The following SLC8A1 variants were observed in gnomAD, a reference collection of about 807,000 sequenced individuals.
The protein encoded by SLC8A1 is solute carrier family 8 member A1, also known as sodium/calcium exchanger 1.
A neutral mutation model predicts 68.3 loss-of-function variants in SLC8A1; 18 were observed. The observed-to-expected ratio is 0.26, with a 90% CI of 0.18 to 0.39. The LOEUF (loss-of-function observed/expected upper bound fraction) is 0.39, where lower values mean the gene tolerates loss of function less well. SLC8A1 is among the 10% of genes least tolerant of loss of function. The probability of loss-of-function intolerance (pLI) is 1.00; values close to 1 mark genes in which losing one functional copy is unlikely to be tolerated. For missense variants in SLC8A1, 985 were observed against 1,156.7 expected, an observed-to-expected ratio of 0.85 and a Z score of 2.15; for synonymous variants, 475 against 415.5, an observed-to-expected ratio of 1.14 and a Z score of -1.74.
At chr2:40,158,526 G>A (rs1363494581) in intron 6 of SLC8A1, among the ~76,000 whole-genome samples, 2 of 152,174 alleles carry the variant, frequency 1.3e-5, no homozygotes, top group South Asian at 2.1e-4. Flanking sequence ...AAGAAGACTT[G>A]AGAGGTTTCA....
chr2:40,415,024 G>C (rs960335453), intron 2 of SLC8A1, among the ~76,000 whole-genome samples: 2 of 152,156 alleles, frequency 1.3e-5, no homozygotes, highest in African/African-American at 4.8e-5. Context: ...GTTGTAAAAG[G>C]GAATGGACTC....
rs1476681009 is a variant in SLC8A1, at chr2:40,160,881, G to A, written c.2062-17C>T. On this transcript the variant is annotated splice_polypyrimidine_tract_variant and intron_variant, in intron 5 of 7. Transcript: ENST00000406785. ...CACAGTACTCTAGAAATGTTGAAAA[G>A]AAAAATATAAATGCTGGGTTCGCTA... 6.3e-7 allele frequency: 1 copy of A among 1,588,836 alleles called. No homozygotes were observed. Among genetic ancestry groups the A allele is most frequent in the African/African-American group, 1.3e-5 (1 of 74,312 alleles).
intron 2 of SLC8A1, among the ~76,000 whole-genome samples, chr2:40,202,883 G>T (rs11895025): frequency 0.14 from 20,679 of 151,882 alleles, 1,508 homozygotes; most frequent in African/African-American, 0.16. Flanking sequence ...TATATTGCTG[G>T]CTTTTCCAGG....
At chr2:40,449,882 A>C (rs1422110525) in intron 1 of SLC8A1, among the ~76,000 whole-genome samples, 1 of 152,118 alleles carries the variant, frequency 6.6e-6, no homozygotes, top group Non-Finnish European at 1.5e-5. Context: ...TTTTCTAGGA[A>C]TTAATCATTT....
chr2:40,265,953 A>C (rs2065305312), intron 2 of SLC8A1, among the ~76,000 whole-genome samples: 1 of 152,148 alleles, frequency 6.6e-6, no homozygotes, highest in South Asian at 2.1e-4. Flanking sequence ...CAATCTATTC[A>C]GTTTGACCCA....
chr2:40,440,744 A>C (rs1253898704), intron 1 of SLC8A1, among the ~76,000 whole-genome samples: 1 of 152,206 alleles, frequency 6.6e-6, no homozygotes, highest in Non-Finnish European at 1.5e-5. Flanking sequence ...TTCATGTTAA[A>C]AACTCTCAAT....
At chr2:40,436,188 A>T (rs1699374167) in intron 1 of SLC8A1, among the ~76,000 whole-genome samples, 1 of 151,848 alleles carries the variant, frequency 6.6e-6, no homozygotes, top group African/African-American at 2.4e-5. Flanking sequence ...TTTTTCATTG[A>T]GGTATTCCCA....
chr2:40,178,926 G>A (rs1301887082), intron 2 of SLC8A1, among the ~76,000 whole-genome samples: 1 of 152,142 alleles, frequency 6.6e-6, no homozygotes, highest in Non-Finnish European at 1.5e-5. Context: ...AGTTATCTCT[G>A]AGCAATTGGC....
At chr2:40,389,844 C>A (rs1170086269) in intron 2 of SLC8A1, among the ~76,000 whole-genome samples, 1 of 146,788 alleles carries the variant, frequency 6.8e-6, no homozygotes, top group Admixed American at 6.8e-5. Context: ...ATATATATAT[C>A]ATATATATCA....
At chr2:40,457,207 C>T (rs967453984) in intron 1 of SLC8A1, among the ~76,000 whole-genome samples, 2 of 152,124 alleles carry the variant, frequency 1.3e-5, no homozygotes, top group African/African-American at 4.8e-5. Flanking sequence ...TAAGTTTACA[C>T]AACACACTTT....
chr2:40,476,745 G>C (rs1704317147), intron 1 of SLC8A1, among the ~76,000 whole-genome samples: 1 of 152,202 alleles, frequency 6.6e-6, no homozygotes, highest in African/African-American at 2.4e-5. Flanking sequence ...GGGTGGCATA[G>C]CTCAGGGATA....
chr2:40,311,156 C>T (rs2073594392), intron 2 of SLC8A1, among the ~76,000 whole-genome samples: 1 of 152,042 alleles, frequency 6.6e-6, no homozygotes, highest in African/African-American at 2.4e-5. Context: ...AGGTCCCCAA[C>T]ACGTCAGTCA....
At chr2:40,456,857 G>A (rs55983152), upstream of SLC8A1, among the ~76,000 whole-genome samples, 21,998 of 152,124 alleles carry the variant, frequency 0.14, 1,712 homozygotes, top group Middle Eastern at 0.21. Flanking sequence ...GTTATACAGA[G>A]TTCTATGCAA....
chr2:40,388,725 T>C (rs985276968), intron 2 of SLC8A1, among the ~76,000 whole-genome samples: 31 of 152,318 alleles, frequency 2.0e-4, no homozygotes, highest in African/African-American at 7.5e-4. Context: ...AATGCTCTTT[T>C]GGTGATGTGC....
chr2:40,498,761 C>T (rs1705871280), intron 1 of SLC8A1, among the ~76,000 whole-genome samples: 1 of 152,126 alleles, frequency 6.6e-6, no homozygotes, highest in South Asian at 2.1e-4. Flanking sequence ...ATTTTCACTA[C>T]ATTTTCAATG....
chr2:40,345,062 G>C (rs1422939094), intron 2 of SLC8A1, among the ~76,000 whole-genome samples: 2 of 152,108 alleles, frequency 1.3e-5, no homozygotes, highest in Admixed American at 6.6e-5. Flanking sequence ...TTTATAACTG[G>C]TTAAGTCCAA....
chr2:40,433,529 A>G (rs1231031496), intron 1 of SLC8A1, among the ~76,000 whole-genome samples: 5 of 152,180 alleles, frequency 3.3e-5, no homozygotes, highest in Admixed American at 1.3e-4. Context: ...CTGTTATAAA[A>G]TGCCTAGTGT....
intron 2 of SLC8A1, among the ~76,000 whole-genome samples, chr2:40,333,223 C>T (rs537696773): frequency 2.2e-4 from 33 of 151,764 alleles, no homozygotes; most frequent in Admixed American, 1.8e-3. Context: ...CGGATCACGA[C>T]GTCAGGAGAT....
chr2:40,252,384 G>C (rs2062898695), intron 2 of SLC8A1, among the ~76,000 whole-genome samples: 1 of 152,260 alleles, frequency 6.6e-6, no homozygotes, highest in African/African-American at 2.4e-5. Flanking sequence ...CCAGGCTGGA[G>C]TGCAGTGGCA....
Sources: allele counts gnomAD v4.1 joint callset (sites outside exome capture counted in the v4.1 genomes callset), GRCh38; gene constraint gnomAD v4.1.1; transcripts MANE v1.5; gene names NCBI Gene and HGNC (gene_info 2026-07-23, HGNC 2026-07-21).